Variants in GRID2 observed in about 807,000 individuals in gnomAD.
The protein encoded by GRID2 is glutamate receptor ionotropic, delta-2.
A neutral mutation model predicts 114.8 loss-of-function variants in GRID2; 33 were observed. The observed-to-expected ratio is 0.29, with a 90% CI of 0.22 to 0.38. GRID2 has a LOEUF of 0.38. Among genes scored for constraint, GRID2 ranks in the 10% least tolerant of loss-of-function variants. The pLI is 1.00. For missense variants in GRID2, 1,184 were observed against 1,257.7 expected (o/e 0.94, Z 0.89); for synonymous variants, 505 against 449.9 (o/e 1.12, Z -1.55).
At chr4:93,615,122 C>G (rs922293121) in intron 13 of GRID2, among the ~76,000 whole-genome samples, 3 of 152,262 alleles carry the variant, frequency 2.0e-5, no homozygotes, top group Admixed American at 1.3e-4. Context: ...AAGCATTTGA[C>G]TATAAAATGA....
intron 1 of GRID2, among the ~76,000 whole-genome samples, chr4:92,518,155 C>G (rs539888254): frequency 1.3e-5 from 2 of 151,628 alleles, no homozygotes; most frequent in African/African-American, 2.4e-5. Context: ...CTCTTCATCC[C>G]CCTTTTTTTT....
intron 13 of GRID2, among the ~76,000 whole-genome samples, chr4:93,564,679 C>A (rs934762350): frequency 6.6e-6 from 1 of 151,974 alleles, no homozygotes; most frequent in East Asian, 1.9e-4. Context: ...GAAGTAGACA[C>A]CACAGTTGTC....
At chr4:93,042,293 C>T (rs1229390172) in intron 2 of GRID2, among the ~76,000 whole-genome samples, 1 of 86,512 alleles carries the variant, frequency 1.2e-5, no homozygotes, top group Non-Finnish European at 2.4e-5. Context: ...CTCTCTCTCT[C>T]TCTCTCTATA....
At chr4:93,734,876 T>C (rs1730790634) in intron 14 of GRID2, among the ~76,000 whole-genome samples, 1 of 152,034 alleles carries the variant, frequency 6.6e-6, no homozygotes, top group Admixed American at 6.6e-5. Flanking sequence ...CAGAATAAAT[T>C]TGAAGCTTTT....
intron 13 of GRID2, among the ~76,000 whole-genome samples, chr4:93,564,454 A>G (rs1162099392): frequency 6.6e-6 from 1 of 152,050 alleles, no homozygotes; most frequent in Non-Finnish European, 1.5e-5. Flanking sequence ...TGCACTTTCC[A>G]GTAGTCAACT....
intron 2 of GRID2, among the ~76,000 whole-genome samples, chr4:92,952,265 T>C (rs992932224): frequency 1.3e-5 from 2 of 152,222 alleles, no homozygotes; most frequent in South Asian, 2.1e-4. Flanking sequence ...TTAAATAATT[T>C]GTAGCATCCA....
intron 2 of GRID2, among the ~76,000 whole-genome samples, chr4:92,938,642 C>T (rs1375472840): frequency 1.4e-5 from 2 of 145,956 alleles, no homozygotes; most frequent in Non-Finnish European, 1.5e-5. Flanking sequence ...TATACATGTA[C>T]CATGTTGGCG....
rs34137840 is a variant in GRID2, at chr4:93,189,773, CCACACACA to C, written c.736-17596_736-17589del. ...TAAACAACAACACCACCACACCACA[CCACACACA>C]CACACACACACACACACACACACAC... On this transcript the variant is annotated intron_variant, in intron 4 of 15. Coordinates refer to ENST00000282020, the MANE Select transcript of GRID2 (RefSeq NM_001510.4). Among the ~76,000 whole-genome samples, 1,350 of 138,814 alleles carry C rather than the reference CCACACACA, an allele frequency of 9.7e-3. 4 individuals carry two copies. Among genetic ancestry groups the C allele is most frequent in the Middle Eastern group, 0.029 (8 of 274 alleles). 91.1% of individuals were successfully genotyped at this position (138,814 alleles called of 152,430 possible).
chr4:93,468,258 AG>A (rs1724479990), intron 11 of GRID2, among the ~76,000 whole-genome samples: 1 of 152,204 alleles, frequency 6.6e-6, no homozygotes. Flanking sequence ...GTAATGTGCC[AG>A]GCACTATTCA....
chr4:92,441,647 A>G (rs1733089117), intron 1 of GRID2, among the ~76,000 whole-genome samples: 2 of 152,242 alleles, frequency 1.3e-5, no homozygotes. Flanking sequence ...TTGAAAGGCC[A>G]TGCTGTAGCA....
At chr4:93,488,110 T>C (rs1269131178) in intron 11 of GRID2, among the ~76,000 whole-genome samples, 2 of 152,002 alleles carry the variant, frequency 1.3e-5, no homozygotes, top group Non-Finnish European at 2.9e-5. Context: ...TTTTCATTCA[T>C]AAATTTATTG....
chr4:93,699,903 C>G (rs7682768), intron 14 of GRID2, among the ~76,000 whole-genome samples: 86,400 of 151,864 alleles, frequency 0.57, 25,231 homozygotes, highest in East Asian at 0.72. Flanking sequence ...TTATTCTAAA[C>G]TGTGACATAT....
intron 2 of GRID2, among the ~76,000 whole-genome samples, chr4:92,786,526 A>C (rs1015106755): frequency 2.0e-5 from 3 of 151,796 alleles, no homozygotes; most frequent in Non-Finnish European, 2.9e-5. Flanking sequence ...AATGATTGGG[A>C]AGAAAGAAAG....
intron 2 of GRID2, among the ~76,000 whole-genome samples, chr4:92,933,114 A>G (rs923023449): frequency 6.6e-6 from 1 of 150,826 alleles, no homozygotes; most frequent in South Asian, 2.1e-4. Flanking sequence ...GATAAGAATT[A>G]TAGAAAATGT....
intron 1 of GRID2, among the ~76,000 whole-genome samples, chr4:92,444,011 G>A (rs2149071011): frequency 6.6e-6 from 1 of 152,290 alleles, no homozygotes; most frequent in Non-Finnish European, 1.5e-5. Flanking sequence ...GTGGTTGAGG[G>A]ACAGTGAGAG....
At chr4:92,726,301 C>T (rs764795622) in intron 2 of GRID2, among the ~76,000 whole-genome samples, 2 of 152,118 alleles carry the variant, frequency 1.3e-5, no homozygotes, top group Non-Finnish European at 2.9e-5. Context: ...TTACACCAGC[C>T]TTACCACAAA....
At position 93,216,752 on chromosome 4, in the gene GRID2, G is replaced by A; in HGVS notation, c.804G>A (p.Val268=). ...WIIINEEIND[V]DVQELVRRSI... is the part of the protein sequence containing the mutation. ...TTATCTTATAGGAAATAAACGATGT[G>A]GACGTACAGGAACTTGTAAGAAGGT... The change falls in exon 6 of 16, where the codon GTG becomes GTA. Residue 268 remains valine, a synonymous_variant. Coordinates refer to ENST00000282020, the MANE Select transcript of GRID2 (RefSeq NM_001510.4). 6.2e-7 allele frequency: 1 copy of A among 1,608,178 alleles called. No homozygotes were observed. The highest frequency in any genetic ancestry group is 8.5e-7 in the Non-Finnish European group (1 of 1,174,982).
intron 4 of GRID2, among the ~76,000 whole-genome samples, chr4:93,173,190 A>G (rs1739014500): frequency 6.6e-6 from 1 of 152,168 alleles, no homozygotes; most frequent in South Asian, 2.1e-4. Flanking sequence ...ACTAGTTAGA[A>G]AATTAATCCA....
chr4:92,935,345 A>C lies in GRID2; in HGVS notation c.245-149650A>C, dbSNP rs530078780. Among the ~76,000 whole-genome samples, 19 of 147,228 alleles carry C rather than the reference A, an allele frequency of 1.3e-4. 2 individuals are homozygous for C. The highest frequency in any genetic ancestry group is 2.3e-4 in the South Asian group (1 of 4,364). On this transcript the variant is annotated intron_variant, in intron 2 of 15. Coordinates refer to ENST00000282020, the MANE Select transcript of GRID2 (RefSeq NM_001510.4). ...CAAAACCACAATGAGATACCATCTC[A>C]CACCAGTTAGAATGGCAATCATTAA...
Sources: gnomAD v4.1 joint callset for allele counts (sites outside exome capture counted in the v4.1 genomes callset) on GRCh38, gnomAD v4.1.1 for gene constraint, MANE v1.5 for transcripts, NCBI Gene and HGNC (gene_info 2026-07-23, HGNC 2026-07-21) for gene names.